CNTN6: variants seen among roughly 807,000 people sequenced by gnomAD.
The protein encoded by CNTN6 is contactin 6, also known as contactin-6.
A neutral mutation model predicts 122.8 loss-of-function variants in CNTN6; 137 were observed. The ratio of observed to expected loss-of-function variants is 1.12; its 90% CI spans 0.97 to 1.29. CNTN6 has a LOEUF of 1.29. Ranked by LOEUF, CNTN6 falls within the 50% of genes most tolerant of loss-of-function variation. The pLI, the probability that CNTN6 is intolerant of heterozygous loss-of-function variation, is 0.00. For synonymous variants in CNTN6, 570 were observed against 426.0 expected, an observed-to-expected ratio of 1.34 and a Z score of -4.16; for missense variants, 1,634 against 1,223.4, an observed-to-expected ratio of 1.34 and a Z score of -5.01.
chr3:1,180,627 T>C (rs1187503930), intron 2 of CNTN6, among the ~76,000 whole-genome samples: 1 of 152,220 alleles, frequency 6.6e-6, no homozygotes, highest in African/African-American at 2.4e-5. Flanking sequence ...GAAAGAGCAT[T>C]AGATATGGAA....
chr3:1,129,550 G>A (rs77305089), intron 1 of CNTN6, among the ~76,000 whole-genome samples: 113 of 152,028 alleles, frequency 7.4e-4, no homozygotes, highest in East Asian at 2.1e-3. Context: ...GCATTTTTTC[G>A]TAAAATGTGA....
chr3:1,389,795 G>C (rs977037935), intron 20 of CNTN6, among the ~76,000 whole-genome samples: 19 of 150,762 alleles, frequency 1.3e-4, no homozygotes, highest in Admixed American at 3.3e-4. Flanking sequence ...AACCAACAAA[G>C]ATCAAAAGAG....
chr3:1,310,751 C>T (rs1252273825), intron 7 of CNTN6, among the ~76,000 whole-genome samples: 1 of 152,090 alleles, frequency 6.6e-6, no homozygotes, highest in Non-Finnish European at 1.5e-5. Context: ...CCTGTAATCC[C>T]AGGACTTTGG....
chr3:1,345,216 AAGTGATTCTCCCGCCTC>A (rs1445297498), intron 11 of CNTN6, among the ~76,000 whole-genome samples: 3 of 151,838 alleles, frequency 2.0e-5, no homozygotes, highest in Admixed American at 2.0e-4. Flanking sequence ...TCCCGGGCTC[AAGTGATTCTCCCGCCTC>A]AGCCTCCTGA....
At chr3:1,208,158 G>A (rs1003103225) in intron 2 of CNTN6, among the ~76,000 whole-genome samples, 4 of 151,940 alleles carry the variant, frequency 2.6e-5, no homozygotes, top group Non-Finnish European at 5.9e-5. Context: ...GTGAGTCATG[G>A]ATCTAAACAT....
intron 16 of CNTN6, among the ~76,000 whole-genome samples, chr3:1,374,714 C>T (rs755812596): frequency 6.6e-6 from 1 of 151,988 alleles, no homozygotes; most frequent in Non-Finnish European, 1.5e-5. Context: ...CTGTATATAG[C>T]CCACAAAGTT....
chr3:1,128,917 AC>A (rs1379885212), intron 1 of CNTN6, among the ~76,000 whole-genome samples: 1 of 151,996 alleles, frequency 6.6e-6, no homozygotes, highest in African/African-American at 2.4e-5. Context: ...TGGATAGGTA[AC>A]TTTTTTATTT....
At chr3:1,278,631 G>A (rs1363646045) in intron 5 of CNTN6, 123 bp downstream of exon 5, 1 of 586,366 alleles carries the variant, frequency 1.7e-6, no homozygotes. Flanking sequence ...CTCTCGTCAA[G>A]TGCATCTACT....
intron 1 of CNTN6, among the ~76,000 whole-genome samples, chr3:1,105,084 G>C (rs1179381887): frequency 6.6e-6 from 1 of 152,076 alleles, no homozygotes. Flanking sequence ...AAAAATGTGA[G>C]TGTGTATATT....
chr3:1,339,508 A>T (rs1400493970), intron 11 of CNTN6, among the ~76,000 whole-genome samples: 2 of 152,118 alleles, frequency 1.3e-5, no homozygotes, highest in Non-Finnish European at 2.9e-5. Context: ...ATGTGTCACC[A>T]CTAACATGTG....
chr3:1,233,042 G>C (rs1458590657), intron 4 of CNTN6, among the ~76,000 whole-genome samples: 1 of 152,200 alleles, frequency 6.6e-6, no homozygotes, highest in Non-Finnish European at 1.5e-5. Context: ...TCTAGGTTGA[G>C]ACTGAAAACT....
chr3:1,209,617 A>G (rs2094005743), intron 2 of CNTN6, among the ~76,000 whole-genome samples: 1 of 152,180 alleles, frequency 6.6e-6, no homozygotes. Context: ...AATGATTATT[A>G]CAATGAAAAT....
intron 11 of CNTN6, among the ~76,000 whole-genome samples, chr3:1,346,841 A>T (rs966172860): frequency 1.3e-5 from 2 of 152,140 alleles, no homozygotes; most frequent in Non-Finnish European, 2.9e-5. Flanking sequence ...AGTGGATGTG[A>T]TGTGATCCTT....
At chr3:1,300,125 C>T (rs913160181) in intron 7 of CNTN6, among the ~76,000 whole-genome samples, 14 of 151,958 alleles carry the variant, frequency 9.2e-5, no homozygotes, top group South Asian at 2.1e-4. Flanking sequence ...TACAGGTGCC[C>T]GCCACCACGC....
At chr3:1,187,702 C>T (rs1349142007) in intron 2 of CNTN6, among the ~76,000 whole-genome samples, 1 of 152,166 alleles carries the variant, frequency 6.6e-6, no homozygotes, top group East Asian at 1.9e-4. Flanking sequence ...CGCAGGACCT[C>T]TTGTTCATAA....
chr3:1,329,222 T>G (rs1198116411), intron 10 of CNTN6, among the ~76,000 whole-genome samples: 1 of 150,198 alleles, frequency 6.7e-6, no homozygotes, highest in African/African-American at 2.5e-5. Flanking sequence ...TGTATATATA[T>G]GGATACACAT....
At chr3:1,137,376 T>A (rs1425233813) in intron 1 of CNTN6, among the ~76,000 whole-genome samples, 2 of 152,190 alleles carry the variant, frequency 1.3e-5, no homozygotes, top group Non-Finnish European at 2.9e-5. Context: ...AGAAGTCAAA[T>A]GTTTATTTTT....
At chr3:1,363,925 C>T (rs1294983844) in intron 12 of CNTN6, among the ~76,000 whole-genome samples, 1 of 151,874 alleles carries the variant, frequency 6.6e-6, no homozygotes, top group Non-Finnish European at 1.5e-5. Context: ...ACAGTCATCT[C>T]TTGTCTTTTT....
chr3:1,380,143 A>T (rs1196835107), intron 17 of CNTN6, among the ~76,000 whole-genome samples: 1 of 152,174 alleles, frequency 6.6e-6, no homozygotes, highest in East Asian at 1.9e-4. Context: ...CTCCTGTTGT[A>T]GTTGAAATAG....
Sources: allele counts gnomAD v4.1 joint callset (sites outside exome capture counted in the v4.1 genomes callset), GRCh38; gene constraint gnomAD v4.1.1; transcripts MANE v1.5; gene names NCBI Gene and HGNC (gene_info 2026-07-23, HGNC 2026-07-21).